LRP1B: variants seen among roughly 807,000 people sequenced by gnomAD.
LRP1B encodes low-density lipoprotein receptor-related protein 1B.
A neutral mutation model predicts 556.6 loss-of-function variants in LRP1B; 217 were observed. That is an observed-to-expected ratio of 0.39 (90% CI 0.35 to 0.44). The LOEUF (loss-of-function observed/expected upper bound fraction) is 0.44, where lower values mean the gene tolerates loss of function less well. Among genes scored for constraint, LRP1B ranks in the 20% least tolerant of loss-of-function variants. The probability of loss-of-function intolerance (pLI) is 1.00; values close to 1 mark genes in which losing one functional copy is unlikely to be tolerated. For missense variants in LRP1B, 5,053 were observed against 5,620.8 expected, an observed-to-expected ratio of 0.90 and a Z score of 3.23; for synonymous variants, 2,047 against 1,865.8, an observed-to-expected ratio of 1.10 and a Z score of -2.50.
intron 7 of LRP1B, among the ~76,000 whole-genome samples, chr2:141,183,300 G>A (rs990068805): frequency 1.3e-5 from 2 of 152,010 alleles, no homozygotes; most frequent in African/African-American, 2.4e-5. Flanking sequence ...TTTTACGTGT[G>A]TAGGCAAACC....
At chr2:140,558,011 G>T (rs1443770093) in intron 43 of LRP1B, among the ~76,000 whole-genome samples, 1 of 152,072 alleles carries the variant, frequency 6.6e-6, no homozygotes, top group African/African-American at 2.4e-5. Context: ...AATACTTGTT[G>T]AACAAAAGAA....
chr2:141,650,896 G>A (rs1224498839), intron 2 of LRP1B, among the ~76,000 whole-genome samples: 5 of 152,124 alleles, frequency 3.3e-5, no homozygotes, highest in African/African-American at 1.2e-4. Flanking sequence ...TTCTTGATAT[G>A]TTTGTTCATT....
In LRP1B at chr2:140,298,674, T is replaced by G. The variant is rs76009277; in HGVS notation, c.12806-705A>C. Among the ~76,000 whole-genome samples the G allele has an allele frequency of 2.1e-4, 32 of 152,242 alleles. No homozygotes were observed. The East Asian group carries it at 6.0e-3, about 29-fold the overall frequency. ...AAGACCAAATATGACAGATCATCTT[T>G]GACTATTTTTCTTTATTTACTCTGT... On this transcript the variant is annotated intron_variant, in intron 83 of 90. Transcript: ENST00000389484.
chr2:140,296,287 T>C (rs1466092895), intron 84 of LRP1B, among the ~76,000 whole-genome samples: 1 of 152,152 alleles, frequency 6.6e-6, no homozygotes, highest in Non-Finnish European at 1.5e-5. Flanking sequence ...GTATTTAGAC[T>C]TCTGTTCAAT....
chr2:140,766,185 G>A (rs968126292), intron 35 of LRP1B, among the ~76,000 whole-genome samples: 1 of 134,740 alleles, frequency 7.4e-6, no homozygotes, highest in Non-Finnish European at 1.6e-5. Flanking sequence ...ATAATCAGGT[G>A]AAATATGAAG....
At chr2:140,504,926 C>T (rs542523163) in intron 53 of LRP1B, among the ~76,000 whole-genome samples, 1 of 152,254 alleles carries the variant, frequency 6.6e-6, no homozygotes, top group Non-Finnish European at 1.5e-5. Flanking sequence ...GGTTCCAAAA[C>T]AAAAATGTGA....
rs569689508 is a variant in LRP1B, at chr2:140,817,479, A to G, written c.5210-3673T>C. On this transcript the variant is annotated intron_variant, in intron 31 of 90. Coordinates refer to ENST00000389484, the MANE Select transcript of LRP1B (RefSeq NM_018557.3). ...AGTCCCGAATTTTCCTTTATATATTACTTTATTTGAACATTTTGATTTAAA... is the reference window on the plus strand; with the variant it reads ...AGTCCCGAATTTTCCTTTATATATTGCTTTATTTGAACATTTTGATTTAAA... Among the ~76,000 whole-genome samples the G allele has an allele frequency of 6.6e-5, 10 of 151,932 alleles. No individual in the cohort carries two copies. The South Asian group carries it at 2.1e-3, about 32-fold the overall frequency.
At chr2:141,169,881 A>C (rs1201544746) in intron 7 of LRP1B, among the ~76,000 whole-genome samples, 1 of 151,496 alleles carries the variant, frequency 6.6e-6, no homozygotes, top group Non-Finnish European at 1.5e-5. Flanking sequence ...ATTCATGAGG[A>C]TTTTGTTACC....
intron 7 of LRP1B, among the ~76,000 whole-genome samples, chr2:141,186,931 A>C (rs1432106816): frequency 6.6e-6 from 1 of 152,040 alleles, no homozygotes; most frequent in East Asian, 1.9e-4. Context: ...AAGGGGAAAA[A>C]CACAATAGTT....
intron 31 of LRP1B, among the ~76,000 whole-genome samples, chr2:140,831,637 A>C (rs1410184226): frequency 6.6e-6 from 1 of 152,220 alleles, no homozygotes; most frequent in Non-Finnish European, 1.5e-5. Flanking sequence ...CTAAACTTTC[A>C]AAAGCACAGG....
intron 2 of LRP1B, among the ~76,000 whole-genome samples, chr2:141,701,644 A>C (rs760970493): frequency 1.3e-5 from 2 of 151,862 alleles, no homozygotes; most frequent in Non-Finnish European, 2.9e-5. Context: ...CATTTAAAAT[A>C]GTGCCTGGAA....
chr2:141,720,195 C>A (rs1344008629), intron 2 of LRP1B, among the ~76,000 whole-genome samples: 2 of 152,016 alleles, frequency 1.3e-5, no homozygotes, highest in African/African-American at 2.4e-5. Context: ...TTTTAGCAAA[C>A]CCTGCTGGAT....
intron 1 of LRP1B, among the ~76,000 whole-genome samples, chr2:142,117,376 C>A (rs12691633): frequency 6.6e-6 from 1 of 152,056 alleles, no homozygotes; most frequent in Non-Finnish European, 1.5e-5. Context: ...TCCGAACCCA[C>A]ATCCTGCCAT....
intron 18 of LRP1B, among the ~76,000 whole-genome samples, chr2:140,952,348 A>G (rs1337931084): frequency 6.6e-6 from 1 of 152,174 alleles, no homozygotes; most frequent in African/African-American, 2.4e-5. Context: ...CTGAATACAG[A>G]GAGCCAAAGA....
chr2:141,880,109 T>A (rs963804996), intron 1 of LRP1B, among the ~76,000 whole-genome samples: 1 of 151,980 alleles, frequency 6.6e-6, no homozygotes, highest in African/African-American at 2.4e-5. Flanking sequence ...CTGCAACTTC[T>A]CCATATTCTC....
intron 41 of LRP1B, among the ~76,000 whole-genome samples, chr2:140,678,800 T>G (rs890378266): frequency 2.8e-5 from 4 of 143,568 alleles, no homozygotes; most frequent in African/African-American, 1.0e-4. Context: ...TGGGGGGGAA[T>G]GGAGTCTCTC....
intron 1 of LRP1B, among the ~76,000 whole-genome samples, chr2:141,948,272 C>A (rs2105028563): frequency 6.6e-6 from 1 of 151,718 alleles, no homozygotes; most frequent in East Asian, 1.9e-4. Flanking sequence ...GAACTCCAGC[C>A]TGGGAGACAG....
intron 1 of LRP1B, among the ~76,000 whole-genome samples, chr2:141,992,615 T>A (rs1702379610): frequency 6.6e-6 from 1 of 152,164 alleles, no homozygotes; most frequent in African/African-American, 2.4e-5. Flanking sequence ...ACATATGAAC[T>A]TGTGCCATTT....
At chr2:141,344,564 G>A (rs981491315) in intron 3 of LRP1B, among the ~76,000 whole-genome samples, 2 of 152,102 alleles carry the variant, frequency 1.3e-5, no homozygotes, top group African/African-American at 4.8e-5. Flanking sequence ...ACCCAAATCT[G>A]ACATTCTTTA....
Sources: allele counts gnomAD v4.1 joint callset (sites outside exome capture counted in the v4.1 genomes callset), GRCh38; gene constraint gnomAD v4.1.1; transcripts MANE v1.5; gene names NCBI Gene and HGNC (gene_info 2026-07-23, HGNC 2026-07-21).